Variants in NCOA2 observed in about 807,000 individuals in gnomAD.
NCOA2 encodes the protein class E basic helix-loop-helix protein 75.
In NCOA2, 21 loss-of-function variants were observed where a neutral mutation model predicts 145.1. The observed-to-expected ratio is 0.14, with a 90% CI of 0.10 to 0.21. The LOEUF is 0.21. Among genes scored for constraint, NCOA2 ranks in the 10% least tolerant of loss-of-function variants. The pLI is 1.00. For synonymous variants in NCOA2, 619 were observed against 637.5 expected (o/e 0.97, Z 0.44); for missense variants, 1,472 against 1,837.6 (o/e 0.80, Z 3.64).
At chr8:70,364,012 GA>G (rs151109691) in intron 1 of NCOA2, among the ~76,000 whole-genome samples, 1,476 of 134,370 alleles carry the variant, frequency 0.011, 21 homozygotes, top group African/African-American at 0.038. Context: ...ATACAACAAT[GA>G]AAAAAAAAAC....
chr8:70,309,313 T>C (rs527650049), intron 1 of NCOA2, among the ~76,000 whole-genome samples: 8 of 148,478 alleles, frequency 5.4e-5, no homozygotes, highest in Admixed American at 2.0e-4. Flanking sequence ...TTTTAAACAA[T>C]AGATAGATCA....
intron 2 of NCOA2, among the ~76,000 whole-genome samples, chr8:70,260,715 G>C (rs1824040740): frequency 2.0e-5 from 3 of 152,122 alleles, no homozygotes; most frequent in African/African-American, 7.2e-5. Flanking sequence ...AAGATACTAA[G>C]GCTGTCAATT....
In NCOA2 at chr8:70,359,802, A is replaced by G. The variant is rs746815908; in HGVS notation, c.-77+43898T>C. Among the ~76,000 whole-genome samples the G allele has an allele frequency of 5.7e-4, 86 of 152,212 alleles. 2 individuals are homozygous for G. The highest frequency in any genetic ancestry group is 1.5e-4 in the Non-Finnish European group (10 of 68,008). ...TTTATACCCTCCTGTGCTGGCCTGC[A>G]AAAGGACAAATTCTTCTAATAAACA... On this transcript the variant is annotated intron_variant, in intron 1 of 22. Transcript: ENST00000452400.
intron 2 of NCOA2, among the ~76,000 whole-genome samples, chr8:70,232,051 G>A (rs2134238880): frequency 6.6e-6 from 1 of 152,250 alleles, no homozygotes; most frequent in South Asian, 2.1e-4. Context: ...TTCGGCCGCT[G>A]CCTTCTATAA....
rs755103002 is a variant in NCOA2 at position 70,128,807 on chromosome 8, G to A, written c.3498C>T (p.Ala1166=). The change falls in exon 17 of 23, where the codon GCC becomes GCT. Residue 1166 remains alanine (A), a synonymous_variant. Transcript: ENST00000452400. The part of the protein sequence containing the change: ...FHTMGQRPSY[A]TLRMQPRPGL... The stretch of plus-strand genomic sequence containing the variant: ...CCGGTCTGGGCTGCATACGGAGTGT[G>A]GCATAACTAGGCCGCTGTCCCATGG... 1.3e-5 allele frequency: 21 copies of A among 1,613,926 alleles called. No individual in the cohort carries two copies. The Admixed American group carries it at 3.0e-4, about 23-fold the overall frequency.
chr8:70,120,152 T>C (rs371741467), intron 22 of NCOA2, among the ~76,000 whole-genome samples: 2 of 152,220 alleles, frequency 1.3e-5, no homozygotes, highest in Non-Finnish European at 2.9e-5. Context: ...CTGTATATTA[T>C]AGATATTAGT....
chr8:70,448,603 G>GA, the NCOA2 span, among the ~76,000 whole-genome samples: 1 of 151,846 alleles, frequency 6.6e-6, no homozygotes, highest in Non-Finnish European at 1.5e-5. Flanking sequence ...TTGAAATAAG[G>GA]AAAAAAACAA....
At chr8:70,411,585 G>A in the NCOA2 span, among the ~76,000 whole-genome samples, 2 of 152,138 alleles carry the variant, frequency 1.3e-5, no homozygotes, top group South Asian at 2.1e-4. Context: ...GTATCCTATA[G>A]AGTCCTTCAA....
At chr8:70,456,134 G>A in the NCOA2 span, among the ~76,000 whole-genome samples, 3 of 151,148 alleles carry the variant, frequency 2.0e-5, no homozygotes, top group Non-Finnish European at 4.4e-5. Flanking sequence ...AGTCTTGATT[G>A]TACCACCTTG....
At chr8:70,161,871 T>G (rs1813055703) in intron 9 of NCOA2, among the ~76,000 whole-genome samples, 2 of 151,578 alleles carry the variant, frequency 1.3e-5, no homozygotes, top group Non-Finnish European at 2.9e-5. Flanking sequence ...TAGCACATAC[T>G]AAAGCAAAAG....
chr8:70,159,230 ATATATATATATATTTT>A (rs1812633123), intron 10 of NCOA2, among the ~76,000 whole-genome samples: 1 of 73,182 alleles, frequency 1.4e-5, no homozygotes, highest in Admixed American at 1.6e-4. Flanking sequence ...CATTATATAT[ATATATATATATATTTT>A]TTTTTTTTTC....
intron 21 of NCOA2, 78 bp downstream of exon 21, chr8:70,123,806 G>T: frequency 8.0e-7 from 1 of 1,256,176 alleles, no homozygotes; most frequent in Non-Finnish European, 1.1e-6. Flanking sequence ...TCAGATACAT[G>T]GAAAGATATA....
chr8:70,350,954 T>C (rs984424934), intron 1 of NCOA2, among the ~76,000 whole-genome samples: 1 of 152,182 alleles, frequency 6.6e-6, no homozygotes, highest in African/African-American at 2.4e-5. Flanking sequence ...GGAAGTCCAA[T>C]ATCAAGATGC....
At chr8:70,447,043 GATA>G in the NCOA2 span, among the ~76,000 whole-genome samples, 3 of 152,164 alleles carry the variant, frequency 2.0e-5, no homozygotes, top group Non-Finnish European at 4.4e-5. Context: ...ATACTACAGT[GATA>G]ATAATCTGTT....
intron 14 of NCOA2, 41 bp downstream of exon 14, chr8:70,141,143 A>C (rs764602484): frequency 1.3e-6 from 2 of 1,561,560 alleles, no homozygotes; most frequent in Non-Finnish European, 1.8e-6. Context: ...TTTCTAAGAG[A>C]GCATAAAAGT....
the NCOA2 span, among the ~76,000 whole-genome samples, chr8:70,422,949 C>T: frequency 6.6e-6 from 1 of 152,124 alleles, no homozygotes; most frequent in Admixed American, 6.5e-5. Flanking sequence ...TAGGCTCAGC[C>T]TCCTGAGTGG....
intron 2 of NCOA2, among the ~76,000 whole-genome samples, chr8:70,217,326 T>C (rs1819716100): frequency 6.6e-6 from 1 of 152,144 alleles, no homozygotes; most frequent in African/African-American, 2.4e-5. Context: ...CAATGCCCCC[T>C]AGTGGGGGAT....
At chr8:70,195,782 C>T (rs553570007) in intron 4 of NCOA2, among the ~76,000 whole-genome samples, 2 of 152,150 alleles carry the variant, frequency 1.3e-5, no homozygotes, top group African/African-American at 2.4e-5. Flanking sequence ...CCTGCTACAC[C>T]GCTTACAACT....
chr8:70,117,180 G>A (rs139819575), intron 22 of NCOA2, among the ~76,000 whole-genome samples: 1,611 of 152,336 alleles, frequency 0.011, 41 homozygotes, highest in African/African-American at 0.037. Context: ...CGTGTGGCCC[G>A]CACCACAGGG....
Sources: gnomAD v4.1 joint callset for allele counts (sites outside exome capture counted in the v4.1 genomes callset) on GRCh38, gnomAD v4.1.1 for gene constraint, MANE v1.5 for transcripts, NCBI Gene and HGNC (gene_info 2026-07-23, HGNC 2026-07-21) for gene names.